Variants in CDH13 observed in about 807,000 individuals in gnomAD.
CDH13 encodes cadherin 13.
Under a neutral mutation model 63.8 loss-of-function variants are expected in CDH13, and 24 were observed. The observed-to-expected ratio is 0.38, with a 90% CI of 0.27 to 0.53. The LOEUF (loss-of-function observed/expected upper bound fraction) is 0.53, where lower values mean the gene tolerates loss of function less well. Ranked by LOEUF, CDH13 falls within the 20% of genes least tolerant of loss-of-function variation. CDH13 has a pLI of 0.85. For synonymous variants in CDH13, 503 were observed against 355.3 expected (o/e 1.42, Z -4.67); for missense variants, 1,049 against 903.1 (o/e 1.16, Z -2.07).
At chr16:82,841,445 T>G (rs1368858974) in intron 1 of CDH13, among the ~76,000 whole-genome samples, 1 of 152,224 alleles carries the variant, frequency 6.6e-6, no homozygotes, top group Non-Finnish European at 1.5e-5. Context: ...TATCCTGTAG[T>G]TTAGCAAAGC....
intron 2 of CDH13, among the ~76,000 whole-genome samples, chr16:83,007,284 A>T (rs1461837476): frequency 6.6e-6 from 1 of 152,238 alleles, no homozygotes; most frequent in Non-Finnish European, 1.5e-5. Context: ...TGTGCTAGGC[A>T]CCGTGACAGG....
At chr16:83,577,496 CA>C (rs1381551377) in intron 7 of CDH13, among the ~76,000 whole-genome samples, 2 of 152,216 alleles carry the variant, frequency 1.3e-5, no homozygotes, top group Non-Finnish European at 2.9e-5. Flanking sequence ...GAGGGGTCTG[CA>C]TTCTTTATTT....
intron 1 of CDH13, among the ~76,000 whole-genome samples, chr16:82,844,179 C>G (rs373749176): frequency 2.6e-5 from 4 of 152,056 alleles, no homozygotes; most frequent in African/African-American, 9.6e-5. Flanking sequence ...AAACAGAAGA[C>G]GATGTGATGA....
chr16:83,059,101 A>T (rs1263351825), intron 3 of CDH13, among the ~76,000 whole-genome samples: 1 of 152,170 alleles, frequency 6.6e-6, no homozygotes, highest in Non-Finnish European at 1.5e-5. Flanking sequence ...GTTCATGGGG[A>T]CATTGAGAAG....
intron 1 of CDH13, among the ~76,000 whole-genome samples, chr16:82,643,839 C>G (rs1283286294): frequency 6.6e-6 from 1 of 151,918 alleles, no homozygotes; most frequent in African/African-American, 2.4e-5. Context: ...ACCACCTGAG[C>G]TCAAGCAACC....
At chr16:83,445,148 T>C (rs1442036623) in intron 6 of CDH13, among the ~76,000 whole-genome samples, 1 of 152,078 alleles carries the variant, frequency 6.6e-6, no homozygotes, top group South Asian at 2.1e-4. Flanking sequence ...TGCCAGCTAC[T>C]ACTCTCTCAT....
chr16:83,664,558 A>G (rs532470021), intron 8 of CDH13, among the ~76,000 whole-genome samples: 11 of 150,118 alleles, frequency 7.3e-5, no homozygotes, highest in Non-Finnish European at 8.9e-5. Flanking sequence ...ATGTGTGTAT[A>G]TATATATATA....
chr16:83,777,313 C>A (rs1019561529), intron 11 of CDH13, among the ~76,000 whole-genome samples: 2 of 152,240 alleles, frequency 1.3e-5, no homozygotes, highest in African/African-American at 4.8e-5. Context: ...CTCCAGGAGC[C>A]CATGCCATCC....
At chr16:82,949,595 T>C (rs577963781) in intron 2 of CDH13, among the ~76,000 whole-genome samples, 63 of 152,350 alleles carry the variant, frequency 4.1e-4, no homozygotes, top group African/African-American at 1.4e-3. Context: ...TTTTCTATGA[T>C]ACTGGGTGAG....
intron 5 of CDH13, among the ~76,000 whole-genome samples, chr16:83,220,603 TAATAATAAAA>T (rs1335133401): frequency 1.0e-5 from 1 of 98,532 alleles, no homozygotes; most frequent in East Asian, 2.8e-4. Flanking sequence ...TAAAGTGTAA[TAATAATAAAA>T]AATAATAAAT....
chr16:83,424,374 C>G (rs578104457), intron 6 of CDH13, among the ~76,000 whole-genome samples: 122 of 152,358 alleles, frequency 8.0e-4, no homozygotes, highest in African/African-American at 2.8e-3. Context: ...GGTTGCATAT[C>G]TGCAGTAGCC....
intron 3 of CDH13, among the ~76,000 whole-genome samples, chr16:83,076,804 TTACA>T (rs1271035544): frequency 6.6e-6 from 1 of 152,160 alleles, no homozygotes; most frequent in Non-Finnish European, 1.5e-5. Flanking sequence ...AGAGGAAAAT[TTACA>T]TACTATGAAA....
chr16:83,574,564 A>G (rs531981536), intron 7 of CDH13, among the ~76,000 whole-genome samples: 8 of 152,240 alleles, frequency 5.3e-5, no homozygotes, highest in African/African-American at 1.4e-4. Context: ...CCACTTACCA[A>G]CCACACACCT....
chr16:83,059,222 A>G (rs2031270693), intron 3 of CDH13, among the ~76,000 whole-genome samples: 1 of 152,094 alleles, frequency 6.6e-6, no homozygotes, highest in Non-Finnish European at 1.5e-5. Context: ...TGCTTTTCAG[A>G]ATTCTCAGAG....
chr16:82,800,768 T>A (rs1337170813), intron 1 of CDH13, among the ~76,000 whole-genome samples: 1 of 152,238 alleles, frequency 6.6e-6, no homozygotes, highest in African/African-American at 2.4e-5. Flanking sequence ...ATAGTGATCC[T>A]GTGCTAATTA....
chr16:83,185,973 G>A (rs1014805901), intron 4 of CDH13, among the ~76,000 whole-genome samples: 25 of 152,074 alleles, frequency 1.6e-4, no homozygotes, highest in African/African-American at 5.6e-4. Flanking sequence ...TTGTCTAATG[G>A]AAGAAAAGAA....
At chr16:82,790,995 T>C (rs1434467465) in intron 1 of CDH13, among the ~76,000 whole-genome samples, 1 of 152,166 alleles carries the variant, frequency 6.6e-6, no homozygotes, top group East Asian at 1.9e-4. Context: ...CCCAGCACTT[T>C]GGGAGGCCGA....
At chr16:83,443,715 AAAAAAAAAAAAAAAAAAAAAATATATAT>A (rs1567676127) in intron 6 of CDH13, among the ~76,000 whole-genome samples, 3 of 91,428 alleles carry the variant, frequency 3.3e-5, no homozygotes, top group South Asian at 3.5e-4. Context: ...GAAAAAAAAA[AAAAAAAAAAAAAAAAAAAAAATATATAT>A]ATATATATAT....
At chr16:82,894,047 A>G (rs1356145557) in intron 2 of CDH13, among the ~76,000 whole-genome samples, 1 of 152,190 alleles carries the variant, frequency 6.6e-6, no homozygotes, top group African/African-American at 2.4e-5. Flanking sequence ...TTTACTGGAT[A>G]TGTCCTGAAT....
Sources: gnomAD v4.1 joint callset for allele counts (sites outside exome capture counted in the v4.1 genomes callset) on GRCh38, gnomAD v4.1.1 for gene constraint, MANE v1.5 for transcripts, NCBI Gene and HGNC (gene_info 2026-07-23, HGNC 2026-07-21) for gene names.